Variants in TTC6 observed in about 807,000 individuals in gnomAD.
TTC6 encodes the protein tetratricopeptide repeat domain 6.
In TTC6, 172 loss-of-function variants were observed where a neutral mutation model predicts 210.4. The observed-to-expected ratio is 0.82, with a 90% CI of 0.72 to 0.93. The LOEUF (loss-of-function observed/expected upper bound fraction) is 0.93, where lower values mean the gene tolerates loss of function less well. Ranked by LOEUF, TTC6 falls within the 40% of genes least tolerant of loss-of-function variation. The probability of loss-of-function intolerance (pLI) is 0.00; values close to 1 mark genes in which losing one functional copy is unlikely to be tolerated. For synonymous variants in TTC6, 804 were observed against 819.6 expected, an observed-to-expected ratio of 0.98 and a Z score of 0.32; for missense variants, 2,414 against 2,318.1, an observed-to-expected ratio of 1.04 and a Z score of -0.85.
chr14:37,747,997 T>C (rs1016193904), intron 10 of TTC6, among the ~76,000 whole-genome samples: 1 of 152,254 alleles, frequency 6.6e-6, no homozygotes, highest in East Asian at 1.9e-4. Flanking sequence ...ATTTGCATAC[T>C]AGGGGAAGCT....
intron 1 of TTC6, among the ~76,000 whole-genome samples, chr14:37,670,888 TGAG>T (rs1306634348): frequency 6.6e-6 from 1 of 152,162 alleles, no homozygotes; most frequent in Non-Finnish European, 1.5e-5. Flanking sequence ...ATAAAAATTA[TGAG>T]ATTTTGAGAT....
intron 14 of TTC6, among the ~76,000 whole-genome samples, chr14:37,759,131 C>T (rs1032318944): frequency 1.3e-5 from 2 of 151,784 alleles, no homozygotes; most frequent in African/African-American, 4.8e-5. Flanking sequence ...GGCGTGGTGG[C>T]ATATGCCTAT....
intron 14 of TTC6, among the ~76,000 whole-genome samples, chr14:37,770,983 T>C (rs2096016466): frequency 7.9e-6 from 1 of 126,494 alleles, no homozygotes; most frequent in South Asian, 3.2e-4. Flanking sequence ...TCAGGAGCTC[T>C]TTTAGGGCAG....
At chr14:37,783,858 A>G (rs541748017) in intron 14 of TTC6, among the ~76,000 whole-genome samples, 1 of 152,190 alleles carries the variant, frequency 6.6e-6, no homozygotes, top group African/African-American at 2.4e-5. Flanking sequence ...TTCAAAGAAC[A>G]TCTTTATTTC....
chr14:37,805,746 G>A (rs2096117115), intron 21 of TTC6, among the ~76,000 whole-genome samples: 1 of 152,030 alleles, frequency 6.6e-6, no homozygotes, highest in African/African-American at 2.4e-5. Context: ...CTGTCGCCAG[G>A]GTGGAGTGCA....
chr14:37,714,455 A>C (rs1382834026), intron 5 of TTC6, among the ~76,000 whole-genome samples, 200 bp from the exon 8 acceptor site: 1 of 152,080 alleles, frequency 6.6e-6, no homozygotes, highest in African/African-American at 2.4e-5. Flanking sequence ...AAATATTACT[A>C]CTAAAATGTA....
chr14:37,810,465 G>A (rs1381160698), intron 24 of TTC6, among the ~76,000 whole-genome samples: 2 of 152,216 alleles, frequency 1.3e-5, no homozygotes, highest in Non-Finnish European at 2.9e-5. Flanking sequence ...GGACTCTGAA[G>A]CATTTCATCC....
chr14:37,703,629 A>T (rs569986333), intron 5 of TTC6, among the ~76,000 whole-genome samples: 1 of 152,250 alleles, frequency 6.6e-6, no homozygotes, highest in South Asian at 2.1e-4. Context: ...GTGGTTGTGT[A>T]GTTTTAATGT....
intron 14 of TTC6, among the ~76,000 whole-genome samples, chr14:37,786,251 C>T (rs1380689067): frequency 6.6e-6 from 1 of 152,180 alleles, no homozygotes; most frequent in Non-Finnish European, 1.5e-5. Flanking sequence ...AGGCAGGCCT[C>T]CTTGAGCTGT....
intron 14 of TTC6, among the ~76,000 whole-genome samples, chr14:37,787,242 G>T (rs1326739060): frequency 6.6e-6 from 1 of 152,262 alleles, no homozygotes; most frequent in Non-Finnish European, 1.5e-5. Flanking sequence ...TAATTAATAT[G>T]TAGAATGTAC....
chr14:37,701,217 TCTC>T (rs911599438), intron 4 of TTC6, 112 bp from the exon 7 acceptor site: 1 of 641,484 alleles, frequency 1.6e-6, no homozygotes, highest in Non-Finnish European at 2.4e-6. Flanking sequence ...TTAAATCAGA[TCTC>T]CTCCATTTAT....
At chr14:37,760,915 G>A (rs924610585) in intron 14 of TTC6, among the ~76,000 whole-genome samples, 20 of 152,152 alleles carry the variant, frequency 1.3e-4, no homozygotes, top group African/African-American at 4.1e-4. Flanking sequence ...CCCTGGCAGC[G>A]AGAATTTCAA....
At chr14:37,688,403 G>A (rs1328987609) in intron 3 of TTC6, among the ~76,000 whole-genome samples, 1 of 152,096 alleles carries the variant, frequency 6.6e-6, no homozygotes, top group African/African-American at 2.4e-5. Flanking sequence ...GGCTGGTTTT[G>A]CCACCTGCTG....
intron 14 of TTC6, among the ~76,000 whole-genome samples, chr14:37,760,611 C>G (rs2095981327): frequency 6.6e-6 from 1 of 152,296 alleles, no homozygotes; most frequent in South Asian, 2.1e-4. Context: ...TGAAGCTGCA[C>G]CCACAGCTGC....
chr14:37,704,061 A>C (rs761597607), intron 5 of TTC6, among the ~76,000 whole-genome samples: 14 of 152,130 alleles, frequency 9.2e-5, no homozygotes, highest in Non-Finnish European at 1.6e-4. Context: ...GAACATTTAA[A>C]TTATTTCATG....
In TTC6 at chr14:37,682,376, GA is replaced by G. The variant is rs138757360; in HGVS notation, c.1051-372del. ...CTCCTGCTTGATGACTTGTGATATG[GA>G]AAAAAAAAAGAACCAACATGAGTTC... On this transcript the variant is annotated intron_variant, in intron 2 of 30. Coordinates refer to ENST00000553443, the Ensembl canonical transcript of TTC6. Among the ~76,000 whole-genome samples the G allele has an allele frequency of 5.5e-3, 801 of 145,878 alleles. 3 individuals are homozygous for G. Among genetic ancestry groups the G allele is most frequent in the African/African-American group, 0.016 (652 of 39,890 alleles).
At chr14:37,739,900 A>G (rs1440648999) in intron 10 of TTC6, among the ~76,000 whole-genome samples, 1 of 152,048 alleles carries the variant, frequency 6.6e-6, no homozygotes, top group East Asian at 1.9e-4. Flanking sequence ...GCAGTGACTC[A>G]CCCTTGTAAT....
chr14:37,754,389 C>T (rs2095961406), intron 14 of TTC6, among the ~76,000 whole-genome samples: 1 of 151,580 alleles, frequency 6.6e-6, no homozygotes, highest in African/African-American at 2.4e-5. Flanking sequence ...TTTCCAGCTT[C>T]ATCCATGTGC....
chr14:37,634,572 A>T (rs923687832), intron 1 of TTC6, among the ~76,000 whole-genome samples: 2 of 152,188 alleles, frequency 1.3e-5, no homozygotes, highest in Non-Finnish European at 2.9e-5. Flanking sequence ...TACAAAAAGA[A>T]ATAATGGCTA....
Sources: allele counts gnomAD v4.1 joint callset (sites outside exome capture counted in the v4.1 genomes callset), GRCh38; gene constraint gnomAD v4.1.1; transcripts MANE v1.5; gene names NCBI Gene and HGNC (gene_info 2026-07-23, HGNC 2026-07-21).